Variants in CADM2 observed in about 807,000 individuals in gnomAD.
The protein encoded by CADM2 is immunoglobulin superfamily member 4D.
In CADM2, 12 loss-of-function variants were observed where a neutral mutation model predicts 49.8. The ratio of observed to expected loss-of-function variants is 0.24; its 90% confidence interval spans 0.15 to 0.39. The LOEUF (loss-of-function observed/expected upper bound fraction) is 0.39. CADM2 is among the 10% of genes least tolerant of loss of function. CADM2 has a pLI of 1.00. For synonymous variants in CADM2, 214 were observed against 175.4 expected, an observed-to-expected ratio of 1.22 and a Z score of -1.74; for missense variants, 378 against 492.3, an observed-to-expected ratio of 0.77 and a Z score of 2.20.
At chr3:84,979,653 C>T (rs533080247) in intron 1 of CADM2, among the ~76,000 whole-genome samples, 2 of 151,602 alleles carry the variant, frequency 1.3e-5, no homozygotes, top group South Asian at 4.2e-4. Context: ...GATGATTTTA[C>T]ACTAAGTATT....
chr3:85,269,175 A>C (rs1366271961), intron 1 of CADM2, among the ~76,000 whole-genome samples: 1 of 151,414 alleles, frequency 6.6e-6, no homozygotes, highest in Non-Finnish European at 1.5e-5. Context: ...GACTGTAATA[A>C]AAATTAAGCC....
rs2068212188 is a variant in CADM2, at chr3:85,737,921, A to G, written c.88+11373A>G. 2.6e-5 allele frequency among the ~76,000 whole-genome samples: 4 copies of G among 152,262 alleles called. No individual in the cohort carries two copies. The South Asian group carries it at 8.3e-4, about 32-fold the overall frequency. On this transcript the variant is annotated intron_variant, in intron 2 of 9. Coordinates refer to ENST00000383699, the MANE Select transcript of CADM2 (RefSeq NM_001167675.2). The stretch of plus-strand genomic sequence containing the variant: ...CAAGCAAAAATTACCTACCAGCAGA[A>G]CAGGATTTCAAAACGTTTCCGTGTA...
At chr3:85,436,263 C>T (rs1318953427) in intron 1 of CADM2, among the ~76,000 whole-genome samples, 1 of 152,100 alleles carries the variant, frequency 6.6e-6, no homozygotes, top group Non-Finnish European at 1.5e-5. Context: ...GATTTTTGAA[C>T]ATTGATTTTG....
intron 8 of CADM2, among the ~76,000 whole-genome samples, chr3:86,048,332 T>C (rs1253579461): frequency 6.6e-6 from 1 of 151,988 alleles, no homozygotes; most frequent in Non-Finnish European, 1.5e-5. Context: ...TTTTGATGTT[T>C]TGTAGGAGAA....
At chr3:85,483,373 T>G (rs2107631512) in intron 1 of CADM2, among the ~76,000 whole-genome samples, 1 of 151,468 alleles carries the variant, frequency 6.6e-6, no homozygotes, top group Admixed American at 6.6e-5. Flanking sequence ...CTTATGAAAT[T>G]TTGCATATGT....
intron 1 of CADM2, among the ~76,000 whole-genome samples, chr3:85,235,319 A>G (rs1214330806): frequency 6.6e-6 from 1 of 152,062 alleles, no homozygotes; most frequent in East Asian, 1.9e-4. Context: ...ACTTCCTGGG[A>G]CCTCTATGCC....
intron 1 of CADM2, among the ~76,000 whole-genome samples, chr3:85,228,186 G>T (rs899696565): frequency 6.6e-6 from 1 of 152,026 alleles, no homozygotes; most frequent in African/African-American, 2.4e-5. Flanking sequence ...GCTAGGTTGG[G>T]TAAGTTCTCC....
At chr3:85,078,053 T>A (rs2037015652) in intron 1 of CADM2, among the ~76,000 whole-genome samples, 1 of 152,108 alleles carries the variant, frequency 6.6e-6, no homozygotes, top group Non-Finnish European at 1.5e-5. Context: ...CTTAACTTCA[T>A]TAAATTATAC....
intron 1 of CADM2, among the ~76,000 whole-genome samples, chr3:85,609,529 AG>A (rs1473580589): frequency 6.6e-6 from 1 of 152,074 alleles, no homozygotes; most frequent in Non-Finnish European, 1.5e-5. Context: ...GCACAGTGAT[AG>A]GTACAGGATA....
intron 1 of CADM2, among the ~76,000 whole-genome samples, chr3:84,967,807 A>T (rs2031119205): frequency 6.6e-6 from 1 of 152,034 alleles, no homozygotes; most frequent in African/African-American, 2.4e-5. Context: ...CAAGGATAAA[A>T]CATGTGCAAT....
intron 3 of CADM2, among the ~76,000 whole-genome samples, chr3:85,870,810 T>C (rs903296092): frequency 3.3e-5 from 5 of 152,190 alleles, no homozygotes; most frequent in Non-Finnish European, 7.4e-5. Flanking sequence ...TTTTTAGCTC[T>C]TTGAGGAATC....
At chr3:86,004,605 G>T (rs1730565599) in intron 8 of CADM2, among the ~76,000 whole-genome samples, 1 of 152,138 alleles carries the variant, frequency 6.6e-6, no homozygotes, top group South Asian at 2.1e-4. Context: ...CATTAATTTT[G>T]TCCTATTCAT....
At chr3:86,060,092 T>C (rs28368266) in intron 8 of CADM2, among the ~76,000 whole-genome samples, 6,387 of 152,162 alleles carry the variant, frequency 0.042, 429 homozygotes, top group African/African-American at 0.14. Context: ...AAATATGTGT[T>C]ATAAATTAAT....
chr3:85,013,929 C>T (rs13075478), intron 1 of CADM2, among the ~76,000 whole-genome samples: 46,079 of 123,734 alleles, frequency 0.37, 6,798 homozygotes, highest in African/African-American at 0.41. Context: ...ATTATATATA[C>T]GCAGTGTAAT....
chr3:85,390,412 T>C (rs1299288341), intron 1 of CADM2, among the ~76,000 whole-genome samples: 3 of 152,060 alleles, frequency 2.0e-5, no homozygotes, highest in Admixed American at 2.0e-4. Flanking sequence ...CACACATTTC[T>C]GTCTTCATTG....
intron 1 of CADM2, among the ~76,000 whole-genome samples, chr3:85,330,793 CA>C (rs71617938): frequency 0.088 from 9,912 of 112,912 alleles, 606 homozygotes; most frequent in African/African-American, 0.22. Flanking sequence ...TCCATCTCTC[CA>C]AAAAAAAAAA....
At chr3:86,001,263 T>C (rs1322051553) in intron 8 of CADM2, among the ~76,000 whole-genome samples, 1 of 152,020 alleles carries the variant, frequency 6.6e-6, no homozygotes, top group African/African-American at 2.4e-5. Context: ...CAAGTGAAAA[T>C]TTAATATTGA....
intron 1 of CADM2, among the ~76,000 whole-genome samples, chr3:85,430,214 G>A (rs76355946): frequency 0.046 from 6,990 of 152,210 alleles, 547 homozygotes; most frequent in African/African-American, 0.16. Context: ...AGAAAGACTA[G>A]GGTACAGATC....
chr3:86,066,932 C>G lies in CADM2; in HGVS notation c.*149C>G. The G allele has an allele frequency of 1.5e-6, 1 of 646,884 alleles. No homozygotes were observed. The highest frequency in any genetic ancestry group is 1.8e-5 in the South Asian group (1 of 55,006). 40.1% of individuals were successfully genotyped at this position (646,884 alleles called of 1,614,324 possible). A position where few individuals can be genotyped will look rare whatever the true frequency, so the allele number is the denominator to read the frequency against. ...TCAGTAGCCAGTGTATACCAACAAT[C>G]AGCTGTTGAAAGCATCATTCTTTAA... On this transcript the variant is annotated 3_prime_UTR_variant, in exon 10 of 10. Coordinates refer to ENST00000383699, the MANE Select transcript of CADM2 (RefSeq NM_001167675.2).
Sources: gnomAD v4.1 joint callset for allele counts (sites outside exome capture counted in the v4.1 genomes callset) on GRCh38, gnomAD v4.1.1 for gene constraint, MANE v1.5 for transcripts, NCBI Gene and HGNC (gene_info 2026-07-23, HGNC 2026-07-21) for gene names.